DOCK7: variants seen among roughly 807,000 people sequenced by gnomAD.
The protein encoded by DOCK7 is dedicator of cytokinesis 7, also known as dedicator of cytokinesis protein 7.
A neutral mutation model predicts 271.0 loss-of-function variants in DOCK7; 138 were observed. The observed-to-expected ratio is 0.51, with a 90% confidence interval of 0.44 to 0.59. DOCK7 has a LOEUF of 0.59. Ranked by LOEUF, DOCK7 falls within the 20% of genes least tolerant of loss-of-function variation. The pLI, the probability that DOCK7 is intolerant of heterozygous loss-of-function variation, is 0.00. For missense variants in DOCK7, 2,066 were observed against 2,592.4 expected (o/e 0.80, Z 4.41); for synonymous variants, 823 against 876.1 (o/e 0.94, Z 1.07).
chr1:62,491,157 A>G lies in DOCK7; in HGVS notation c.5361+1547T>C, dbSNP rs1318220054. On this transcript the variant is annotated intron_variant, in intron 41 of 49. Transcript: ENST00000635253. The stretch of plus-strand genomic sequence containing the variant: ...GTGCCTGAAGTAAGACAACTACTAA[A>G]TGGCAGAGCCAGGATTTGAACTTTG... 3.3e-5 allele frequency among the ~76,000 whole-genome samples: 5 copies of G among 152,252 alleles called. No homozygotes were observed. The East Asian group carries it at 9.6e-4, about 29-fold the overall frequency.
chr1:62,648,346 A>G (rs1289775445), intron 5 of DOCK7, 28 bp from the exon 6 acceptor site: 1 of 1,428,250 alleles, frequency 7.0e-7, no homozygotes, highest in East Asian at 2.6e-5. Flanking sequence ...AAATATAAAT[A>G]TATTAATTAA....
At chr1:62,648,990 C>T (rs1377232997) in intron 4 of DOCK7, among the ~76,000 whole-genome samples, 4 of 152,026 alleles carry the variant, frequency 2.6e-5, no homozygotes, top group African/African-American at 4.8e-5. Flanking sequence ...TGCTATCTCT[C>T]GTTATCTATA....
chr1:62,485,423 A>G (rs1297114413), intron 43 of DOCK7: 24 of 985,308 alleles, frequency 2.4e-5, no homozygotes, highest in Admixed American at 6.2e-5. Flanking sequence ...CAATAAAAAA[A>G]TGAAACATGT....
intron 41 of DOCK7, among the ~76,000 whole-genome samples, chr1:62,490,180 C>T (rs1646420965): frequency 6.6e-6 from 1 of 151,450 alleles, no homozygotes; most frequent in African/African-American, 2.4e-5. Context: ...AAGCAATCCT[C>T]CCACCCCAGC....
At chr1:62,455,826 A>G (rs547832817) in intron 49 of DOCK7, among the ~76,000 whole-genome samples, 13 of 152,184 alleles carry the variant, frequency 8.5e-5, no homozygotes, top group Non-Finnish European at 1.5e-4. Context: ...CCAGTTCTCA[A>G]ACTTTGTCTC....
intron 1 of DOCK7, among the ~76,000 whole-genome samples, chr1:62,664,006 G>C (rs1571944379): frequency 6.6e-6 from 1 of 152,084 alleles, no homozygotes; most frequent in Non-Finnish European, 1.5e-5. Context: ...ATTATTCAAT[G>C]ATAAAAAGAA....
chr1:62,634,960 C>CAT (rs1260424178), intron 8 of DOCK7, 38 bp from the exon 9 acceptor site: 4 of 1,418,212 alleles, frequency 2.8e-6, no homozygotes, highest in Non-Finnish European at 3.9e-6. Context: ...AAAATATGTA[C>CAT]ATTTTACAGT....
At chr1:62,635,799 G>C (rs368287892) in intron 8 of DOCK7, 2 of 151,848 alleles carry the variant, frequency 1.3e-5, no homozygotes, top group Admixed American at 6.6e-5. Context: ...GGGGCCGGGC[G>C]GGGGGTGGTC....
Position 62,646,166 on chromosome 1 carries a change from A to C in DOCK7, c.818+1525T>G, listed in dbSNP as rs1201683455. On this transcript the variant is annotated intron_variant, in intron 7 of 49. Coordinates refer to ENST00000635253, the MANE Select transcript of DOCK7 (RefSeq NM_001367561.1). ...GTGAGACTCCGTCTCAAAAAAAAAA[A>C]AACAAAAAAAAAACCCACTCATATA... Among the ~76,000 whole-genome samples the C allele has an allele frequency of 3.4e-5, 5 of 148,734 alleles. No individual in the cohort carries two copies. The South Asian group carries it at 9.1e-4, about 27-fold the overall frequency.
At chr1:62,636,177 G>C (rs958460135) in intron 8 of DOCK7, among the ~76,000 whole-genome samples, 3 of 152,168 alleles carry the variant, frequency 2.0e-5, no homozygotes, top group Non-Finnish European at 2.9e-5. Context: ...GCGTGAACCT[G>C]GGAGGCGGAG....
chr1:62,655,078 T>C (rs1342267560), intron 2 of DOCK7, among the ~76,000 whole-genome samples: 1 of 152,226 alleles, frequency 6.6e-6, no homozygotes, highest in Non-Finnish European at 1.5e-5. Context: ...CAGTTTGTAG[T>C]ACTTTGTTAC....
At chr1:62,584,422 C>T in intron 15 of DOCK7, 1 of 989,636 alleles carries the variant, frequency 1.0e-6, no homozygotes, top group Non-Finnish European at 1.2e-6. Context: ...TTAAAAAAGG[C>T]AAACACAGTA....
chr1:62,502,684 T>C (rs1198181662), intron 37 of DOCK7, among the ~76,000 whole-genome samples: 1 of 152,102 alleles, frequency 6.6e-6, no homozygotes, highest in Non-Finnish European at 1.5e-5. Context: ...ACCAGAAATT[T>C]TGCTAAATAT....
At chr1:62,607,510 A>C (rs1651173579) in intron 14 of DOCK7, among the ~76,000 whole-genome samples, 1 of 152,184 alleles carries the variant, frequency 6.6e-6, no homozygotes, top group Admixed American at 6.5e-5. Context: ...TTATATAAGT[A>C]GTCTCTTCTT....
intron 37 of DOCK7, among the ~76,000 whole-genome samples, chr1:62,499,922 T>C (rs964029072): frequency 9.4e-5 from 10 of 106,908 alleles, no homozygotes; most frequent in Non-Finnish European, 1.7e-4. Context: ...CATCTTGAAG[T>C]TGTAAAACTG....
chr1:62,675,646 A>G (rs909152114), intron 1 of DOCK7, among the ~76,000 whole-genome samples: 1 of 151,724 alleles, frequency 6.6e-6, no homozygotes, highest in East Asian at 2.0e-4. Flanking sequence ...TTAGCCAGGC[A>G]TAGTGGCGGG....
intron 42 of DOCK7, 71 bp downstream of exon 42, chr1:62,488,863 G>C (rs765936620): frequency 1.1e-5 from 17 of 1,585,256 alleles, no homozygotes; most frequent in Middle Eastern, 1.7e-4. Flanking sequence ...TTTGACATCA[G>C]TGCAAAACAA....
At chr1:62,615,489 A>G (rs1052146473) in intron 14 of DOCK7, among the ~76,000 whole-genome samples, 1 of 151,832 alleles carries the variant, frequency 6.6e-6, no homozygotes, top group Admixed American at 6.6e-5. Context: ...AGCATTTTAT[A>G]TAAGTTCCTT....
rs1048727159 is a variant in DOCK7, at chr1:62,574,432, GA to G, written c.2112+2829del. Among the ~76,000 whole-genome samples the G allele has an allele frequency of 5.9e-4, 86 of 146,798 alleles. 1 individual carries two copies. Among genetic ancestry groups the G allele is most frequent in the South Asian group, 4.1e-3 (19 of 4,620 alleles). Reference sequence around the variant, plus strand: ...AATAAATTGTGGATATGGCAAAAAGGAAAAAAAAAAGTGAGGGGTATAGATT... The same window carrying G: ...AATAAATTGTGGATATGGCAAAAAGGAAAAAAAAAGTGAGGGGTATAGATT... On this transcript the variant is annotated intron_variant, in intron 18 of 49. Coordinates refer to ENST00000635253, the MANE Select transcript of DOCK7 (RefSeq NM_001367561.1).
Sources: gnomAD v4.1 joint callset for allele counts (sites outside exome capture counted in the v4.1 genomes callset) on GRCh38, gnomAD v4.1.1 for gene constraint, MANE v1.5 for transcripts, NCBI Gene and HGNC (gene_info 2026-07-23, HGNC 2026-07-21) for gene names.